Variants in SYNE3 observed in about 807,000 individuals in gnomAD.
SYNE3 encodes spectrin repeat containing nuclear envelope family member 3, also known as nesprin-3.
SYNE3 carries 100 observed loss-of-function variants against 111.2 expected under a neutral mutation model. That is an observed-to-expected ratio of 0.90 (90% CI 0.77 to 1.06). The LOEUF is 1.06. Ranked by LOEUF, SYNE3 falls within the 50% of genes least tolerant of loss-of-function variation. SYNE3 has a pLI of 0.00. For synonymous variants in SYNE3, 547 were observed against 533.9 expected, an observed-to-expected ratio of 1.02 and a Z score of -0.34; for missense variants, 1,160 against 1,240.3, an observed-to-expected ratio of 0.94 and a Z score of 0.97.
rs1478296348 is a variant in SYNE3 at position 95,409,057 on chromosome 14, T to G, written c.*8769A>C. Reference sequence around the variant, plus strand: ...GCATGCTGCCCCTGCTTTGGAATGTTGCCCTCCAGCTAACTCACCAGCTGC... The same window carrying G: ...GCATGCTGCCCCTGCTTTGGAATGTGGCCCTCCAGCTAACTCACCAGCTGC... On this transcript the variant is annotated 3_prime_UTR_variant, in exon 18 of 18. Coordinates refer to ENST00000682763, the MANE Select transcript of SYNE3 (RefSeq NM_152592.6). 3 of 430,984 alleles carry G rather than the reference T, an allele frequency of 7.0e-6. No homozygotes were observed. Among genetic ancestry groups the G allele is most frequent in the Non-Finnish European group, 1.4e-5 (3 of 211,960 alleles). The allele number at this position is 430,984 out of a possible 1,614,324, so 26.7% of individuals were successfully genotyped here. A position where few individuals can be genotyped will look rare whatever the true frequency, so the allele number is the denominator to read the frequency against.
At chr14:95,501,064 G>A (rs147188593) in intron 1 of SYNE3, among the ~76,000 whole-genome samples, 7 of 152,284 alleles carry the variant, frequency 4.6e-5, no homozygotes, top group East Asian at 3.9e-4. Context: ...ACTACGCTAC[G>A]ACCCAGGGGA....
At chr14:95,493,166 G>C (rs1235715775) in intron 1 of SYNE3, among the ~76,000 whole-genome samples, 3 of 152,118 alleles carry the variant, frequency 2.0e-5, no homozygotes, top group Admixed American at 6.5e-5. Context: ...CCTTATAAAT[G>C]GGGTGCCAAT....
chr14:95,460,712 C>T (rs1384484741), intron 4 of SYNE3, among the ~76,000 whole-genome samples: 3 of 152,204 alleles, frequency 2.0e-5, no homozygotes, highest in East Asian at 1.9e-4. Context: ...GCTGGCTTCC[C>T]CTTCCTGCAG....
chr14:95,458,236 C>T (rs1343543556), intron 4 of SYNE3, among the ~76,000 whole-genome samples: 1 of 152,132 alleles, frequency 6.6e-6, no homozygotes, highest in Admixed American at 6.5e-5. Context: ...TACAGCCTAG[C>T]ACTTCAAGGA....
At chr14:95,441,367 C>T (rs554087611) in intron 11 of SYNE3, among the ~76,000 whole-genome samples, 21 of 152,338 alleles carry the variant, frequency 1.4e-4, no homozygotes, top group South Asian at 6.2e-4. Context: ...TTAGACCAGA[C>T]GCCTCCAAGG....
intron 17 of SYNE3, among the ~76,000 whole-genome samples, chr14:95,421,700 C>A (rs1427309500): frequency 6.6e-6 from 1 of 152,236 alleles, no homozygotes; most frequent in Non-Finnish European, 1.5e-5. Flanking sequence ...GCCCCACAAG[C>A]TTCCCCTCTG....
intron 6 of SYNE3, among the ~76,000 whole-genome samples, chr14:95,454,696 A>C (rs1018254251): frequency 6.6e-6 from 1 of 152,262 alleles, no homozygotes; most frequent in African/African-American, 2.4e-5. Context: ...ATATAACAAC[A>C]GTGGCAGAGT....
intron 1 of SYNE3, among the ~76,000 whole-genome samples, chr14:95,501,230 G>A (rs1046594869): frequency 2.0e-5 from 3 of 152,128 alleles, no homozygotes; most frequent in Non-Finnish European, 2.9e-5. Flanking sequence ...CAGAGCACAC[G>A]CAACCTTCTG....
chr14:95,458,974 T>C (rs533109031), intron 4 of SYNE3, among the ~76,000 whole-genome samples: 2 of 152,364 alleles, frequency 1.3e-5, no homozygotes, highest in South Asian at 4.1e-4. Flanking sequence ...AGACTGGAGC[T>C]GGGACATTGC....
At chr14:95,423,269 C>A (rs1413002345) in intron 17 of SYNE3, among the ~76,000 whole-genome samples, 1 of 152,130 alleles carries the variant, frequency 6.6e-6, no homozygotes, top group Non-Finnish European at 1.5e-5. Context: ...ATTGTCATTA[C>A]TCAAGCAAGG....
Position 95,499,825 on chromosome 14 carries a change from T to A in SYNE3, c.-15+16771A>T, listed in dbSNP as rs1890256668. Among the ~76,000 whole-genome samples the A allele has an allele frequency of 2.0e-5, 3 of 148,426 alleles. No individual in the cohort carries two copies. In the South Asian group the frequency reaches 6.5e-4, roughly 32 times the overall value. ...GCAGGATGATGTCCACTGAGTTACC[T>A]AGAAGAATCCCCTGTATCACTAACT... On this transcript the variant is annotated intron_variant, in intron 1 of 17. Coordinates refer to ENST00000682763, the MANE Select transcript of SYNE3 (RefSeq NM_152592.6).
At chr14:95,456,144 G>T (rs967114972) in intron 5 of SYNE3, 6 of 267,824 alleles carry the variant, frequency 2.2e-5, no homozygotes, top group Admixed American at 5.2e-5. Flanking sequence ...TTCCATTTAT[G>T]ACAGTGATAT....
At chr14:95,443,558 A>C (rs1021413025) in intron 10 of SYNE3, 11 of 403,820 alleles carry the variant, frequency 2.7e-5, no homozygotes, top group Non-Finnish European at 4.4e-5. Flanking sequence ...ATCTCTGGGG[A>C]CAAACTCACA....
At chr14:95,444,181 T>A (rs1595196780) in intron 10 of SYNE3, 2 of 432,602 alleles carry the variant, frequency 4.6e-6, no homozygotes, top group East Asian at 6.9e-5. Flanking sequence ...ACCTCTGGAC[T>A]CATTAAGAAT....
At chr14:95,450,174 C>G in intron 7 of SYNE3, 69 bp from the exon 8 acceptor site, 1 of 1,501,424 alleles carries the variant, frequency 6.7e-7, no homozygotes, top group Non-Finnish European at 9.0e-7. Flanking sequence ...ATGAGGCCTC[C>G]GCCAAGACCC....
intron 9 of SYNE3, among the ~76,000 whole-genome samples, chr14:95,445,696 G>A (rs1886672838): frequency 6.6e-6 from 1 of 152,236 alleles, no homozygotes; most frequent in Non-Finnish European, 1.5e-5. Context: ...CAGACAGGTG[G>A]TGGCTAGGAA....
intron 1 of SYNE3, among the ~76,000 whole-genome samples, chr14:95,492,555 A>G (rs562965239): frequency 2.1e-4 from 32 of 152,376 alleles, no homozygotes; most frequent in African/African-American, 7.5e-4. Context: ...TGAAATGTGT[A>G]GAACAGGCAA....
intron 1 of SYNE3, among the ~76,000 whole-genome samples, 145 bp downstream of exon 1, chr14:95,516,437 CCCGCGCCGGGCGCG>C: frequency 6.6e-6 from 1 of 152,106 alleles, no homozygotes; most frequent in Non-Finnish European, 1.5e-5. Flanking sequence ...GGCCCCCGCC[CCCGCGCCGGGCGCG>C]CCTCCCCAGG....
intron 17 of SYNE3, among the ~76,000 whole-genome samples, chr14:95,421,423 G>A (rs1007270154): frequency 6.6e-6 from 1 of 152,110 alleles, no homozygotes; most frequent in Non-Finnish European, 1.5e-5. Context: ...TTGGTGAAAG[G>A]GGATGTGGGG....
Sources: allele counts gnomAD v4.1 joint callset (sites outside exome capture counted in the v4.1 genomes callset), GRCh38; gene constraint gnomAD v4.1.1; transcripts MANE v1.5; gene names NCBI Gene and HGNC (gene_info 2026-07-23, HGNC 2026-07-21).